Variants in OVCH1 observed in about 807,000 individuals in gnomAD.
OVCH1 encodes ovochymase-1.
Under a neutral mutation model 138.4 loss-of-function variants are expected in OVCH1, and 139 were observed. The ratio of observed to expected loss-of-function variants is 1.00; its 90% CI spans 0.87 to 1.16. The LOEUF (loss-of-function observed/expected upper bound fraction) is 1.16. OVCH1 is among the 50% of genes most tolerant of loss of function. OVCH1 has a pLI of 0.00. For synonymous variants in OVCH1, 453 were observed against 467.8 expected (o/e 0.97, Z 0.41); for missense variants, 1,367 against 1,357.9 (o/e 1.01, Z -0.11).
chr12:29,460,097 A>G (rs1211672619), intron 19 of OVCH1, among the ~76,000 whole-genome samples: 1 of 152,172 alleles, frequency 6.6e-6, no homozygotes, highest in African/African-American at 2.4e-5. Context: ...TTCCTCCCAT[A>G]TATGGGCAGT....
At chr12:29,445,910 G>T in intron 22 of OVCH1, among the ~76,000 whole-genome samples, 1 of 152,098 alleles carries the variant, frequency 6.6e-6, no homozygotes, top group East Asian at 1.9e-4. Context: ...TGTGTGGAAA[G>T]AACCTGTGAG....
At chr12:29,438,080 AATTT>A (rs569673321) in intron 26 of OVCH1, among the ~76,000 whole-genome samples, 4 of 152,198 alleles carry the variant, frequency 2.6e-5, no homozygotes, top group Admixed American at 2.6e-4. Context: ...GGAACTTATT[AATTT>A]GTTTTCTTCT....
At chr12:29,476,792 CACACACACACACACAG>C (rs58685845) in intron 12 of OVCH1, among the ~76,000 whole-genome samples, 12,430 of 119,510 alleles carry the variant, frequency 0.1, 780 homozygotes, top group Non-Finnish European at 0.15. Context: ...CACACACACA[CACACACACACACACAG>C]GTTAGTAAAT....
At chr12:29,420,430 G>C (rs1002676620) in intron 3 of OVCH1, among the ~76,000 whole-genome samples, 1 of 150,210 alleles carries the variant, frequency 6.7e-6, no homozygotes, top group African/African-American at 2.5e-5. Flanking sequence ...TGAGGAAAGA[G>C]AGGGCAGCAT....
intron 8 of OVCH1, among the ~76,000 whole-genome samples, chr12:29,479,242 A>G (rs1229557113): frequency 6.6e-6 from 1 of 151,960 alleles, no homozygotes; most frequent in Non-Finnish European, 1.5e-5. Context: ...GTATAAATTG[A>G]AGAAACCTAA....
At chr12:29,494,609 T>C (rs139126391) in intron 4 of OVCH1, among the ~76,000 whole-genome samples, 1 of 152,302 alleles carries the variant, frequency 6.6e-6, no homozygotes, top group East Asian at 1.9e-4. Context: ...AAATGTAGTA[T>C]ATATACACAA....
downstream of OVCH1, among the ~76,000 whole-genome samples, chr12:29,410,066 C>A (rs957905794): frequency 1.3e-5 from 2 of 152,058 alleles, no homozygotes; most frequent in Non-Finnish European, 2.9e-5. Flanking sequence ...TATGTAATGG[C>A]CTTTTTTGTC....
exon 12 of OVCH1, chr12:29,477,112 T>G (rs1942763567): frequency 1.2e-6 from 2 of 1,607,864 alleles, no homozygotes; most frequent in East Asian, 4.5e-5. Flanking sequence ...CTTTATAATG[T>G]GCTTCTCTGG....
intron 19 of OVCH1, among the ~76,000 whole-genome samples, chr12:29,458,098 G>GA (rs1942014322): frequency 6.6e-6 from 1 of 151,814 alleles, no homozygotes; most frequent in South Asian, 2.1e-4. Flanking sequence ...AAAGAAGTTA[G>GA]AAAAAATACC....
At chr12:29,437,326 G>A (rs986484024) in intron 26 of OVCH1, among the ~76,000 whole-genome samples, 1 of 152,108 alleles carries the variant, frequency 6.6e-6, no homozygotes, top group Non-Finnish European at 1.5e-5. Flanking sequence ...ATTCTGAATT[G>A]TAATATGGAA....
the OVCH1 span, among the ~76,000 whole-genome samples, chr12:29,405,021 C>CAAAAAAAAAAAAAAAAAAAAAAAAAAA: frequency 1.2e-5 from 1 of 80,440 alleles, no homozygotes; most frequent in Non-Finnish European, 2.1e-5. Flanking sequence ...CACTCCACCT[C>CAAAAAAAAAAAAAAAAAAAAAAAAAAA]AAAAAAAAAA....
At chr12:29,451,021 T>A (rs191968423) in intron 22 of OVCH1, among the ~76,000 whole-genome samples, 20 of 29,264 alleles carry the variant, frequency 6.8e-4, no homozygotes, top group African/African-American at 2.1e-3. Flanking sequence ...TGTTGGGGGG[T>A]GGGGGGCTAG....
intron 3 of OVCH1, among the ~76,000 whole-genome samples, chr12:29,413,024 C>CTTTTTTTTTTTTTTT (rs35540929): frequency 7.1e-6 from 1 of 140,926 alleles, no homozygotes. Context: ...CCAGCTAATT[C>CTTTTTTTTTTTTTTT]TTTTTTTTTT....
At chr12:29,432,241 G>C (rs1456874728) in intron 27 of OVCH1, among the ~76,000 whole-genome samples, 1 of 152,124 alleles carries the variant, frequency 6.6e-6, no homozygotes, top group Non-Finnish European at 1.5e-5. Context: ...TTATAAACAT[G>C]ATCTCAATTA....
chr12:29,411,823 G>C (rs1368960653), downstream of OVCH1, among the ~76,000 whole-genome samples: 2 of 151,762 alleles, frequency 1.3e-5, no homozygotes, highest in East Asian at 1.9e-4. Context: ...GAGAACCACT[G>C]CTCTCTTCAA....
At chr12:29,452,248 T>C (rs531041574) in intron 21 of OVCH1, among the ~76,000 whole-genome samples, 124 of 152,296 alleles carry the variant, frequency 8.1e-4, no homozygotes, top group African/African-American at 2.9e-3. Context: ...TATGTGTTAG[T>C]GAATACATAA....
At chr12:29,497,503 C>T in intron 1 of OVCH1, 120 bp downstream of exon 1, 2 of 1,168,112 alleles carry the variant, frequency 1.7e-6, no homozygotes, top group Non-Finnish European at 1.2e-6. Context: ...CCCTTTCTTC[C>T]CAAATGCCTC....
downstream of OVCH1, chr12:29,426,097 AC>A (rs1440834214): frequency 6.6e-6 from 1 of 152,220 alleles, no homozygotes; most frequent in African/African-American, 2.4e-5. Flanking sequence ...TTAATTCTTT[AC>A]TATCGCTGCT....
At chr12:29,404,804 C>T in the OVCH1 span, among the ~76,000 whole-genome samples, 15 of 151,882 alleles carry the variant, frequency 9.9e-5, no homozygotes, top group Non-Finnish European at 1.5e-4. Context: ...AGGCGAACCA[C>T]GAGGTCAGAA....
Sources: gnomAD v4.1 joint callset for allele counts (sites outside exome capture counted in the v4.1 genomes callset) on GRCh38, gnomAD v4.1.1 for gene constraint, MANE v1.5 for transcripts, NCBI Gene and HGNC (gene_info 2026-07-23, HGNC 2026-07-21) for gene names.